KCNQ5: variants seen among roughly 807,000 people sequenced by gnomAD.
KCNQ5 encodes potassium voltage-gated channel subfamily KQT member 5.
In KCNQ5, 30 loss-of-function variants were observed where a neutral mutation model predicts 98.2. That is an observed-to-expected ratio of 0.31 (90% CI 0.23 to 0.41). The LOEUF is 0.41. Among genes scored for constraint, KCNQ5 ranks in the 10% least tolerant of loss-of-function variants. The pLI, the probability that KCNQ5 is intolerant of heterozygous loss-of-function variation, is 1.00. For missense variants in KCNQ5, 835 were observed against 1,182.5 expected (o/e 0.71, Z 4.31); for synonymous variants, 458 against 449.4 (o/e 1.02, Z -0.24).
intron 1 of KCNQ5, among the ~76,000 whole-genome samples, chr6:72,753,706 A>G (rs1179968836): frequency 6.6e-6 from 1 of 152,058 alleles, no homozygotes; most frequent in Non-Finnish European, 1.5e-5. Context: ...TTTTCACATG[A>G]TGTTTGCCAC....
intron 1 of KCNQ5, among the ~76,000 whole-genome samples, chr6:72,818,678 T>C (rs936255286): frequency 7.3e-5 from 11 of 151,458 alleles, no homozygotes; most frequent in Non-Finnish European, 1.5e-4. Flanking sequence ...ACAATTATTT[T>C]TGAGATATTT....
intron 7 of KCNQ5, among the ~76,000 whole-genome samples, chr6:73,116,270 A>G (rs1254432002): frequency 1.3e-5 from 2 of 152,208 alleles, no homozygotes; most frequent in Non-Finnish European, 2.9e-5. Context: ...GGAAGAGGGC[A>G]TGTAAGTGGG....
At chr6:72,760,874 A>T (rs898053942) in intron 1 of KCNQ5, among the ~76,000 whole-genome samples, 5 of 152,186 alleles carry the variant, frequency 3.3e-5, no homozygotes, top group African/African-American at 1.2e-4. Context: ...AAGAAAAAAA[A>T]GTACCACCTT....
At chr6:73,144,015 A>G (rs1285529104) in intron 10 of KCNQ5, among the ~76,000 whole-genome samples, 2 of 152,216 alleles carry the variant, frequency 1.3e-5, no homozygotes, top group African/African-American at 4.8e-5. Flanking sequence ...AGTCACACTT[A>G]GTTGTCTGCT....
chr6:72,664,632 G>A (rs1766702975), intron 1 of KCNQ5, among the ~76,000 whole-genome samples: 1 of 151,618 alleles, frequency 6.6e-6, no homozygotes, highest in African/African-American at 2.4e-5. Flanking sequence ...CTCCAGCCTG[G>A]GCAACAGAGC....
At chr6:73,171,368 G>C (rs1360987668) in intron 11 of KCNQ5, among the ~76,000 whole-genome samples, 2 of 152,108 alleles carry the variant, frequency 1.3e-5, no homozygotes, top group African/African-American at 2.4e-5. Flanking sequence ...AAGTATCCCA[G>C]TTTGGACAAT....
chr6:72,944,629 G>T (rs896813033), intron 1 of KCNQ5, among the ~76,000 whole-genome samples: 1 of 152,148 alleles, frequency 6.6e-6, no homozygotes, highest in African/African-American at 2.4e-5. Flanking sequence ...TGAGACATTA[G>T]CAGGAAGATG....
chr6:73,076,675 C>G (rs1773556424), intron 3 of KCNQ5, among the ~76,000 whole-genome samples: 1 of 152,226 alleles, frequency 6.6e-6, no homozygotes, highest in South Asian at 2.1e-4. Flanking sequence ...ATGCAGCAAA[C>G]TTACACATAA....
intron 1 of KCNQ5, among the ~76,000 whole-genome samples, chr6:72,940,164 T>G (rs1766154047): frequency 6.6e-6 from 1 of 152,182 alleles, no homozygotes. Context: ...AATTCAGCCC[T>G]TTATTTCCCA....
intron 1 of KCNQ5, among the ~76,000 whole-genome samples, chr6:72,985,174 C>A (rs1768705135): frequency 6.6e-6 from 1 of 152,110 alleles, no homozygotes; most frequent in Admixed American, 6.6e-5. Flanking sequence ...CCACTGTACA[C>A]CAGTGTGGGC....
intron 1 of KCNQ5, among the ~76,000 whole-genome samples, chr6:72,674,641 G>A (rs555295516): frequency 6.6e-6 from 1 of 152,116 alleles, no homozygotes; most frequent in African/African-American, 2.4e-5. Context: ...GCTGTAGCAT[G>A]TGCCTGTAGC....
chr6:72,946,720 T>C (rs567947084), intron 1 of KCNQ5, among the ~76,000 whole-genome samples: 1 of 152,358 alleles, frequency 6.6e-6, no homozygotes, highest in East Asian at 1.9e-4. Flanking sequence ...GAAATAAATA[T>C]GGATTTGTTT....
chr6:72,729,041 T>C (rs1208194258), intron 1 of KCNQ5, among the ~76,000 whole-genome samples: 1 of 152,130 alleles, frequency 6.6e-6, no homozygotes, highest in Non-Finnish European at 1.5e-5. Context: ...CGCAATGTTC[T>C]TTTTTTCACT....
At chr6:73,077,572 C>G (rs1773588354) in intron 4 of KCNQ5, 75 bp downstream of exon 4, 3 of 1,458,790 alleles carry the variant, frequency 2.1e-6, no homozygotes, top group Admixed American at 4.9e-5. Flanking sequence ...GTTAATAAAC[C>G]TGTCACAAGA....
chr6:72,725,366 T>A (rs1020322317), intron 1 of KCNQ5, among the ~76,000 whole-genome samples: 3 of 152,302 alleles, frequency 2.0e-5, no homozygotes, highest in Admixed American at 2.0e-4. Flanking sequence ...TAATTGTTGT[T>A]TTGGAATTCC....
chr6:72,655,140 A>T (rs1352516898), intron 1 of KCNQ5, among the ~76,000 whole-genome samples: 1 of 147,634 alleles, frequency 6.8e-6, no homozygotes, highest in Admixed American at 6.9e-5. Flanking sequence ...CAAGCCTTGG[A>T]TTCTTGTTTC....
intron 1 of KCNQ5, among the ~76,000 whole-genome samples, chr6:72,708,748 T>A (rs1276665494): frequency 6.6e-6 from 1 of 152,146 alleles, no homozygotes; most frequent in Non-Finnish European, 1.5e-5. Context: ...TCTCCTGAGC[T>A]CAAGTGATCC....
intron 5 of KCNQ5, among the ~76,000 whole-genome samples, chr6:73,098,533 A>T (rs7742937): frequency 6.6e-6 from 1 of 152,184 alleles, no homozygotes; most frequent in African/African-American, 2.4e-5. Flanking sequence ...CGTGCAATGG[A>T]GCTCCAATAC....
chr6:73,011,825 CA>C (rs542806977), intron 2 of KCNQ5, among the ~76,000 whole-genome samples: 22 of 145,210 alleles, frequency 1.5e-4, no homozygotes, highest in East Asian at 2.0e-4. Context: ...AAACATTTCT[CA>C]AAAAAAAAAG....
Sources: gnomAD v4.1 joint callset for allele counts (sites outside exome capture counted in the v4.1 genomes callset) on GRCh38, gnomAD v4.1.1 for gene constraint, MANE v1.5 for transcripts, NCBI Gene and HGNC (gene_info 2026-07-23, HGNC 2026-07-21) for gene names.